COP1: variants seen among roughly 807,000 people sequenced by gnomAD.
The protein encoded by COP1 is E3 ubiquitin-protein ligase COP1.
In COP1, 24 loss-of-function variants were observed where a neutral mutation model predicts 101.3. That is an observed-to-expected ratio of 0.24 (90% CI 0.17 to 0.33). COP1 has a LOEUF of 0.33. Ranked by LOEUF, COP1 falls within the 10% of genes least tolerant of loss-of-function variation. COP1 has a pLI of 1.00. For synonymous variants in COP1, 347 were observed against 341.9 expected (o/e 1.01, Z -0.17); for missense variants, 663 against 906.2 (o/e 0.73, Z 3.45).
At chr1:176,048,938 C>A (rs181999848) in intron 11 of COP1, among the ~76,000 whole-genome samples, 1 of 150,428 alleles carries the variant, frequency 6.6e-6, no homozygotes, top group Non-Finnish European at 1.5e-5. Context: ...TTTGGGAGGC[C>A]GAGGCGGGTG....
At chr1:176,066,991 A>G (rs1007537130) in intron 11 of COP1, among the ~76,000 whole-genome samples, 2 of 152,176 alleles carry the variant, frequency 1.3e-5, no homozygotes, top group African/African-American at 4.8e-5. Context: ...CACTCATATG[A>G]CAACTTATTG....
In COP1 at chr1:176,205,060, A is replaced by C. The variant is rs549022465; in HGVS notation, c.407+1512T>G. ...AGTATCTCTTGAATGACAATGATCG[A>C]TTCCTTATTCCTCACATCTTTTACT... On this transcript the variant is annotated intron_variant, in intron 1 of 19. Coordinates refer to ENST00000367669, the MANE Select transcript of COP1 (RefSeq NM_022457.7). Among the ~76,000 whole-genome samples the C allele has an allele frequency of 2.5e-4, 38 of 152,366 alleles. No homozygotes were observed. In the South Asian group the frequency reaches 7.9e-3, roughly 32 times the overall value.
At chr1:176,161,152 C>G (rs770434766) in intron 5 of COP1, among the ~76,000 whole-genome samples, 2 of 152,214 alleles carry the variant, frequency 1.3e-5, no homozygotes, top group African/African-American at 2.4e-5. Context: ...TTTTGTCCAT[C>G]TGTTTCATAG....
intron 9 of COP1, among the ~76,000 whole-genome samples, chr1:176,089,868 C>A (rs936743905): frequency 1.3e-5 from 2 of 152,056 alleles, no homozygotes; most frequent in Admixed American, 6.6e-5. Flanking sequence ...AGTTTTTTGC[C>A]ATATTTTGAA....
chr1:176,182,322 A>G (rs995350272), intron 2 of COP1, among the ~76,000 whole-genome samples: 3 of 152,266 alleles, frequency 2.0e-5, no homozygotes, highest in African/African-American at 7.2e-5. Context: ...AAGGTTAGGT[A>G]AGTTTCAGAA....
intron 18 of COP1, among the ~76,000 whole-genome samples, chr1:175,978,265 T>C (rs2148662445): frequency 6.6e-6 from 1 of 152,304 alleles, no homozygotes; most frequent in Non-Finnish European, 1.5e-5. Context: ...AGAATCATTC[T>C]AATGTAGGTC....
At chr1:176,083,499 G>A (rs1262429162) in intron 10 of COP1, among the ~76,000 whole-genome samples, 1 of 152,114 alleles carries the variant, frequency 6.6e-6, no homozygotes, top group Non-Finnish European at 1.5e-5. Flanking sequence ...TTTTGTTTGC[G>A]TGGTGTTTTA....
At chr1:176,010,098 T>C (rs1323563049) in intron 15 of COP1, among the ~76,000 whole-genome samples, 3 of 152,188 alleles carry the variant, frequency 2.0e-5, no homozygotes, top group Non-Finnish European at 2.9e-5. Context: ...CCACTTGTTC[T>C]AGACTCACCA....
At chr1:176,158,204 A>G (rs1015325816) in intron 5 of COP1, among the ~76,000 whole-genome samples, 4 of 152,206 alleles carry the variant, frequency 2.6e-5, no homozygotes, top group African/African-American at 9.7e-5. Context: ...ACAAAAGATA[A>G]GAATGACAGC....
rs763606994 is a variant in COP1, at chr1:176,081,153, T to C, written c.1276A>G (p.Ser426Gly). 2 of 1,599,796 alleles carry C rather than the reference T, an allele frequency of 1.3e-6. No individual in the cohort carries two copies. ...DLYNGSSIVS[S>G]IEFDRDCDYF... ...AATAGTAATTTGACCAATACTTACC[T>C]AGAGACTATACTGGAACCATTATAG... The change falls in exon 11 of 20, where the codon AGT (serine) becomes GGT (glycine). Residue 426 changes from serine to glycine, a missense_variant and splice_region_variant. By Grantham distance (56) the Ser-to-Gly change is moderately conservative (BLOSUM62 0). Transcript: ENST00000367669.
At chr1:175,952,382 A>G (rs1281979430) in intron 18 of COP1, among the ~76,000 whole-genome samples, 1 of 149,602 alleles carries the variant, frequency 6.7e-6, no homozygotes, top group Non-Finnish European at 1.5e-5. Flanking sequence ...AGATGGCACC[A>G]TTGCACTCCA....
intron 9 of COP1, among the ~76,000 whole-genome samples, chr1:176,102,015 C>T (rs1033587881): frequency 6.6e-6 from 1 of 152,130 alleles, no homozygotes; most frequent in African/African-American, 2.4e-5. Context: ...AAGCCTAAAA[C>T]AGTCTGAAGG....
At chr1:176,162,160 T>A (rs61821033) in intron 5 of COP1, among the ~76,000 whole-genome samples, 10,237 of 152,202 alleles carry the variant, frequency 0.067, 424 homozygotes, top group Middle Eastern at 0.12. Flanking sequence ...AGAGAAGCCA[T>A]GGTTCTAATC....
chr1:175,966,929 C>T (rs999904304), intron 18 of COP1, among the ~76,000 whole-genome samples: 2 of 152,168 alleles, frequency 1.3e-5, no homozygotes, highest in Non-Finnish European at 1.5e-5. Context: ...CTTCCACCCC[C>T]CATACACAAA....
At chr1:176,109,572 T>C (rs750239376) in intron 9 of COP1, among the ~76,000 whole-genome samples, 11 of 152,202 alleles carry the variant, frequency 7.2e-5, no homozygotes, top group Non-Finnish European at 1.3e-4. Context: ...ACAATGTTAA[T>C]TGGCCACATT....
chr1:176,206,777 C>A lies in COP1; in HGVS notation c.202G>T (p.Val68Leu). The A allele has an allele frequency of 7.0e-7, 1 of 1,425,244 alleles. No individual in the cohort carries two copies. Among genetic ancestry groups the A allele is most frequent in the East Asian group, 3.0e-5 (1 of 33,184 alleles). 88.3% of individuals were successfully genotyped at this position (1,425,244 alleles called of 1,614,324 possible). A position where few individuals can be genotyped will look rare whatever the true frequency, so the allele number is the denominator to read the frequency against. The stretch of plus-strand genomic sequence containing the variant: ...CCCGATACGGCGGGCGCCACCAACA[C>A]AGGCCGCACCGGGCCCCCGAGGCCG... ...SGGLGGPVRPVLVAPAVSGSG... is the reference protein window; with the variant it reads ...SGGLGGPVRPLLVAPAVSGSG... Residue 68 changes from valine (V) to leucine (L), a missense_variant, in exon 1 of 20, where the codon GTG (valine) becomes TTG (leucine). Coordinates refer to ENST00000367669, the MANE Select transcript of COP1 (RefSeq NM_022457.7).
intron 3 of COP1, among the ~76,000 whole-genome samples, chr1:176,171,044 G>A (rs1019754161): frequency 7.0e-6 from 1 of 141,892 alleles, no homozygotes; most frequent in African/African-American, 2.6e-5. Context: ...AGAATGGCAT[G>A]ATCCCAGCAG....
At chr1:176,158,751 T>A (rs1693854336) in intron 5 of COP1, among the ~76,000 whole-genome samples, 1 of 143,424 alleles carries the variant, frequency 7.0e-6, no homozygotes, top group South Asian at 2.4e-4. Context: ...GCAATCCTCC[T>A]ACCTCTGCCT....
intron 2 of COP1, among the ~76,000 whole-genome samples, chr1:176,182,305 C>T (rs1201505783): frequency 6.6e-6 from 1 of 152,204 alleles, no homozygotes; most frequent in Non-Finnish European, 1.5e-5. Context: ...GAGTGAGTAA[C>T]TTGACAAAGG....
Sources: gnomAD v4.1 joint callset for allele counts (sites outside exome capture counted in the v4.1 genomes callset) on GRCh38, gnomAD v4.1.1 for gene constraint, MANE v1.5 for transcripts, NCBI Gene and HGNC (gene_info 2026-07-23, HGNC 2026-07-21) for gene names.